NT5DC1: variants seen among roughly 807,000 people sequenced by gnomAD.
NT5DC1 encodes the protein 5'-nucleotidase domain containing 1.
A neutral mutation model predicts 59.4 loss-of-function variants in NT5DC1; 42 were observed. The observed-to-expected ratio is 0.71, with a 90% CI of 0.55 to 0.92. NT5DC1 has a LOEUF of 0.92. Among genes scored for constraint, NT5DC1 ranks in the 40% least tolerant of loss-of-function variants. The probability of loss-of-function intolerance (pLI) is 0.00; values close to 1 mark genes in which losing one functional copy is unlikely to be tolerated. For missense variants in NT5DC1, 501 were observed against 537.1 expected (o/e 0.93, Z 0.66); for synonymous variants, 172 against 188.1 (o/e 0.91, Z 0.70).
chr6:116,121,143 G>T lies in NT5DC1; in HGVS notation c.529+3198G>T. On this transcript the variant is annotated intron_variant, in intron 6 of 11. Coordinates refer to ENST00000319550, the MANE Select transcript of NT5DC1 (RefSeq NM_152729.3). ...TTCCCAGGAAGACCTGCTGGCCCTT[G>T]TTCCCCTTTGGCACCTGGACCCCCA... The T allele has an allele frequency of 6.2e-7, 1 of 1,613,410 alleles. No homozygotes were observed. The highest frequency in any genetic ancestry group is 8.5e-7 in the Non-Finnish European group (1 of 1,179,678).
intron 6 of NT5DC1, among the ~76,000 whole-genome samples, chr6:116,146,587 T>C (rs988162140): frequency 6.6e-6 from 1 of 152,216 alleles, no homozygotes; most frequent in African/African-American, 2.4e-5. Context: ...TTAAATGAAT[T>C]AAATAGGAAT....
intron 10 of NT5DC1, 116 bp downstream of exon 10, chr6:116,238,464 TAAAA>T (rs56266433): frequency 3.9e-3 from 1,007 of 256,636 alleles, no homozygotes; most frequent in East Asian, 6.3e-3. Flanking sequence ...ACCATCATGT[TAAAA>T]AAAAAAAAAA....
chr6:116,118,146 T>C (rs1472558748), intron 6 of NT5DC1: 2 of 596,538 alleles, frequency 3.4e-6, no homozygotes, highest in African/African-American at 1.9e-5. Flanking sequence ...TTGCCCATAT[T>C]CCAAGCTGTG....
At chr6:116,103,117 A>G (rs1218796863) in intron 1 of NT5DC1, among the ~76,000 whole-genome samples, 1 of 152,146 alleles carries the variant, frequency 6.6e-6, no homozygotes, top group African/African-American at 2.4e-5. Flanking sequence ...GCCCAGCGTG[A>G]TGACTCCATC....
At chr6:116,163,512 T>C (rs1780393403) in intron 6 of NT5DC1, among the ~76,000 whole-genome samples, 1 of 152,242 alleles carries the variant, frequency 6.6e-6, no homozygotes, top group Non-Finnish European at 1.5e-5. Flanking sequence ...GTCCTCTTTT[T>C]TTCTTGTTTA....
chr6:116,227,872 T>C (rs1582883434), intron 8 of NT5DC1, among the ~76,000 whole-genome samples: 1 of 152,228 alleles, frequency 6.6e-6, no homozygotes, highest in African/African-American at 2.4e-5. Flanking sequence ...CCTTATCAGA[T>C]GTATGGTTTG....
In NT5DC1 at chr6:116,125,035, A is replaced by T. The variant is rs375966898; in HGVS notation, c.529+7090A>T. ...CTTGATTAGTTTTGATTAGATCAAG[A>T]TTTCTGGATTACATGCAGTTATTTG... is the stretch of plus-strand genomic sequence containing the variant. On this transcript the variant is annotated intron_variant, in intron 6 of 11. Coordinates refer to ENST00000319550, the MANE Select transcript of NT5DC1 (RefSeq NM_152729.3). 4.1e-4 allele frequency among the ~76,000 whole-genome samples: 63 copies of T among 152,354 alleles called. No homozygotes were observed. In the South Asian group the frequency reaches 0.012, roughly 30 times the overall value.
chr6:116,105,447 G>A (rs1395074843), intron 1 of NT5DC1, among the ~76,000 whole-genome samples: 10 of 152,206 alleles, frequency 6.6e-5, no homozygotes, highest in Non-Finnish European at 1.5e-4. Flanking sequence ...TGTGCAGGTT[G>A]ACTCAGACAA....
At chr6:116,155,752 TAAAAAAAA>T (rs58270869) in intron 6 of NT5DC1, among the ~76,000 whole-genome samples, 2 of 114,616 alleles carry the variant, frequency 1.7e-5, no homozygotes, top group African/African-American at 3.2e-5. Flanking sequence ...TACTTCTCCT[TAAAAAAAA>T]AAAAAAAAAA....
chr6:116,102,967 C>T (rs898347007), intron 1 of NT5DC1, among the ~76,000 whole-genome samples: 5 of 152,222 alleles, frequency 3.3e-5, no homozygotes, highest in African/African-American at 1.2e-4. Context: ...ACATCGTTCC[C>T]CTTAGGAAGT....
At chr6:116,181,834 A>G (rs1780878720) in intron 6 of NT5DC1, among the ~76,000 whole-genome samples, 1 of 152,126 alleles carries the variant, frequency 6.6e-6, no homozygotes, top group South Asian at 2.1e-4. Flanking sequence ...CAAATTAATT[A>G]TATAAATTCA....
chr6:116,157,670 G>A (rs1780230217), intron 6 of NT5DC1, among the ~76,000 whole-genome samples: 2 of 151,962 alleles, frequency 1.3e-5, no homozygotes, highest in Admixed American at 1.3e-4. Flanking sequence ...CCCAAATTTG[G>A]GCTCATTTTT....
intron 8 of NT5DC1, among the ~76,000 whole-genome samples, chr6:116,234,563 A>G (rs1053871877): frequency 6.7e-6 from 1 of 149,494 alleles, no homozygotes; most frequent in Non-Finnish European, 1.5e-5. Context: ...CTGGTCTTGA[A>G]CTCCTGGACT....
intron 6 of NT5DC1, among the ~76,000 whole-genome samples, chr6:116,215,519 G>A (rs1056008520): frequency 2.6e-5 from 4 of 152,034 alleles, no homozygotes; most frequent in Non-Finnish European, 4.4e-5. Flanking sequence ...AGATATTATT[G>A]TATGTGATTC....
At chr6:116,188,752 A>G (rs1354803002) in intron 6 of NT5DC1, among the ~76,000 whole-genome samples, 1 of 151,054 alleles carries the variant, frequency 6.6e-6, no homozygotes, top group Admixed American at 6.6e-5. Flanking sequence ...TGTTTATAAC[A>G]TTTCAACCAA....
At chr6:116,237,124 C>T (rs1307214070) in intron 9 of NT5DC1, 40 bp downstream of exon 9, 1 of 1,098,716 alleles carries the variant, frequency 9.1e-7, no homozygotes, top group Non-Finnish European at 1.4e-6. Flanking sequence ...TGCCCACTTG[C>T]AGACATAAGC....
At chr6:116,226,730 T>C (rs932459228) in intron 8 of NT5DC1, among the ~76,000 whole-genome samples, 1 of 152,102 alleles carries the variant, frequency 6.6e-6, no homozygotes, top group African/African-American at 2.4e-5. Flanking sequence ...ATCTAAACTT[T>C]AAAAATAAGC....
At chr6:116,159,289 A>G (rs1353307493) in intron 6 of NT5DC1, among the ~76,000 whole-genome samples, 2 of 152,224 alleles carry the variant, frequency 1.3e-5, no homozygotes, top group Admixed American at 6.5e-5. Context: ...ATCAAAAACC[A>G]GAGAAACATA....
At chr6:116,166,579 TTTAC>T (rs1780474864) in intron 6 of NT5DC1, among the ~76,000 whole-genome samples, 1 of 152,186 alleles carries the variant, frequency 6.6e-6, no homozygotes, top group Non-Finnish European at 1.5e-5. Flanking sequence ...TCGATCTCCA[TTTAC>T]CCAGTTTCCC....
Sources: allele counts gnomAD v4.1 joint callset (sites outside exome capture counted in the v4.1 genomes callset), GRCh38; gene constraint gnomAD v4.1.1; transcripts MANE v1.5; gene names NCBI Gene and HGNC (gene_info 2026-07-23, HGNC 2026-07-21).